FNIP2: variants seen among roughly 807,000 people sequenced by gnomAD.
FNIP2 encodes folliculin interacting protein 2.
FNIP2 carries 32 observed loss-of-function variants against 108.7 expected under a neutral mutation model. The ratio of observed to expected loss-of-function variants is 0.29; its 90% CI spans 0.22 to 0.40. FNIP2 has a LOEUF of 0.40. FNIP2 is among the 10% of genes least tolerant of loss of function. FNIP2 has a pLI of 1.00. For synonymous variants in FNIP2, 480 were observed against 496.7 expected, an observed-to-expected ratio of 0.97 and a Z score of 0.45; for missense variants, 1,202 against 1,381.6, an observed-to-expected ratio of 0.87 and a Z score of 2.06.
chr4:158,789,610 A>G (rs1776337060), intron 1 of FNIP2, among the ~76,000 whole-genome samples: 1 of 152,218 alleles, frequency 6.6e-6, no homozygotes, highest in Non-Finnish European at 1.5e-5. Flanking sequence ...GGTACAAAGC[A>G]TTGTTAGAGT....
Position 158,906,748 on chromosome 4 carries a change from A to G in FNIP2, c.*2204A>G, listed in dbSNP as rs1729874587. ...GTTGCTGCTCTTTTATAATCCTTTA[A>G]ATATTTAACATTCAAGTTTTCTTTG... On this transcript the variant is annotated 3_prime_UTR_variant, in exon 17 of 17. Coordinates refer to ENST00000264433, the MANE Select transcript of FNIP2 (RefSeq NM_020840.3). 6.6e-6 allele frequency: 1 copy of G among 152,126 alleles called. No homozygotes were observed. The highest frequency in any genetic ancestry group is 6.5e-5 in the Admixed American group (1 of 15,270). The allele number at this position is 152,126 out of a possible 1,614,324, so 9.4% of individuals were successfully genotyped here.
intron 12 of FNIP2, among the ~76,000 whole-genome samples, chr4:158,863,493 G>A (rs1436952995): frequency 6.6e-6 from 1 of 152,174 alleles, no homozygotes; most frequent in Admixed American, 6.5e-5. Flanking sequence ...GCACTACCAG[G>A]GAAGAGGGAG....
chr4:158,881,337 C>T (rs1403929821), intron 14 of FNIP2, among the ~76,000 whole-genome samples: 1 of 147,506 alleles, frequency 6.8e-6, no homozygotes, highest in Non-Finnish European at 1.5e-5. Context: ...GTCTCCCTCT[C>T]CCTCTCTTTC....
chr4:158,873,766 C>G (rs1164182317), intron 14 of FNIP2, among the ~76,000 whole-genome samples: 1 of 152,358 alleles, frequency 6.6e-6, no homozygotes, highest in East Asian at 1.9e-4. Flanking sequence ...TTTGAACTCT[C>G]TCTGCCTCCT....
At chr4:158,810,422 C>T (rs958138638) in intron 1 of FNIP2, among the ~76,000 whole-genome samples, 6 of 152,128 alleles carry the variant, frequency 3.9e-5, no homozygotes, top group African/African-American at 1.4e-4. Context: ...CATTCCTTCC[C>T]TTTTTACTGA....
chr4:158,903,311 T>G (rs942498417), intron 16 of FNIP2, among the ~76,000 whole-genome samples: 1 of 152,132 alleles, frequency 6.6e-6, no homozygotes, highest in African/African-American at 2.4e-5. Flanking sequence ...CTGCACCCAG[T>G]GTCCAGCCAC....
chr4:158,845,379 G>A (rs1452132961), intron 7 of FNIP2, among the ~76,000 whole-genome samples: 1 of 152,184 alleles, frequency 6.6e-6, no homozygotes, highest in Non-Finnish European at 1.5e-5. Flanking sequence ...CAAAGGTAGT[G>A]AATCAACTAG....
At chr4:158,847,736 T>A (rs1779482945) in intron 7 of FNIP2, among the ~76,000 whole-genome samples, 1 of 152,088 alleles carries the variant, frequency 6.6e-6, no homozygotes, top group Admixed American at 6.5e-5. Context: ...GGACAGCATC[T>A]ATGGACCTGC....
At chr4:158,828,338 C>T (rs181254993) in intron 2 of FNIP2, among the ~76,000 whole-genome samples, 14 of 152,224 alleles carry the variant, frequency 9.2e-5, no homozygotes, top group Admixed American at 7.8e-4. Context: ...ACAAGTAGGC[C>T]GGGCGCGGTG....
At chr4:158,897,443 T>C (rs1239878160) in intron 16 of FNIP2, among the ~76,000 whole-genome samples, 1 of 152,226 alleles carries the variant, frequency 6.6e-6, no homozygotes, top group African/African-American at 2.4e-5. Context: ...ATTGAACTAA[T>C]TTAGACTCCC....
At chr4:158,858,971 C>G in intron 8 of FNIP2, 86 bp from the exon 9 acceptor site, 1 of 1,050,462 alleles carries the variant, frequency 9.5e-7, no homozygotes, top group South Asian at 1.4e-5. Flanking sequence ...ACTGAATGTT[C>G]TGGGTGTCAT....
chr4:158,891,862 T>C (rs193011893), intron 15 of FNIP2, among the ~76,000 whole-genome samples: 12 of 152,212 alleles, frequency 7.9e-5, no homozygotes, highest in Non-Finnish European at 7.4e-5. Context: ...GCACTGGAAT[T>C]TTTTGGAATG....
chr4:158,851,708 TC>T, intron 8 of FNIP2, among the ~76,000 whole-genome samples: 1 of 152,208 alleles, frequency 6.6e-6, no homozygotes, highest in Non-Finnish European at 1.5e-5. Flanking sequence ...GATTGGGTGT[TC>T]ATTTAAAATG....
At chr4:158,887,315 AACTT>A (rs1255085890) in intron 14 of FNIP2, among the ~76,000 whole-genome samples, 2 of 152,236 alleles carry the variant, frequency 1.3e-5, no homozygotes, top group Admixed American at 1.3e-4. Flanking sequence ...GAACTTAAAA[AACTT>A]ACTTGACAGA....
chr4:158,851,209 A>C (rs900314704), intron 7 of FNIP2, 112 bp from the exon 8 acceptor site: 1 of 1,258,454 alleles, frequency 7.9e-7, no homozygotes, highest in East Asian at 2.3e-5. Context: ...GATATTAAAT[A>C]CATAATAAAT....
At chr4:158,822,885 T>A (rs1159604103) in intron 1 of FNIP2, among the ~76,000 whole-genome samples, 4 of 152,350 alleles carry the variant, frequency 2.6e-5, no homozygotes, top group South Asian at 2.1e-4. Context: ...TGTGTCTTTT[T>A]AAAAATTTTT....
intron 10 of FNIP2, among the ~76,000 whole-genome samples, chr4:158,860,902 C>T (rs1780252033): frequency 6.6e-6 from 1 of 152,066 alleles, no homozygotes. Flanking sequence ...TAATCCACCA[C>T]CTTGGCCTCC....
At chr4:158,849,851 A>G (rs1400265499) in intron 7 of FNIP2, among the ~76,000 whole-genome samples, 3 of 152,222 alleles carry the variant, frequency 2.0e-5, no homozygotes, top group Non-Finnish European at 2.9e-5. Flanking sequence ...CTAATTGCCT[A>G]CTGTGGTCAA....
intron 1 of FNIP2, among the ~76,000 whole-genome samples, chr4:158,809,589 A>G (rs998034867): frequency 1.3e-5 from 2 of 152,240 alleles, no homozygotes; most frequent in African/African-American, 4.8e-5. Context: ...GAGTTTTTCA[A>G]ACTTTCCCGG....
Sources: allele counts gnomAD v4.1 joint callset (sites outside exome capture counted in the v4.1 genomes callset), GRCh38; gene constraint gnomAD v4.1.1; transcripts MANE v1.5; gene names NCBI Gene and HGNC (gene_info 2026-07-23, HGNC 2026-07-21).